Variants in ODF2 observed in about 807,000 individuals in gnomAD.
ODF2 encodes outer dense fiber of sperm tails 2.
Under a neutral mutation model 110.2 loss-of-function variants are expected in ODF2, and 47 were observed. The observed-to-expected ratio is 0.43, with a 90% CI of 0.34 to 0.54. The LOEUF (loss-of-function observed/expected upper bound fraction) is 0.54, where lower values mean the gene tolerates loss of function less well. ODF2 is among the 20% of genes least tolerant of loss of function. The pLI is 0.03. For synonymous variants in ODF2, 352 were observed against 397.7 expected (o/e 0.89, Z 1.37); for missense variants, 812 against 1,054.5 (o/e 0.77, Z 3.19).
chr9:128,470,627 GAAAA>G (rs966690662), intron 5 of ODF2, among the ~76,000 whole-genome samples: 50 of 127,864 alleles, frequency 3.9e-4, no homozygotes, highest in African/African-American at 1.3e-3. Flanking sequence ...TGTTTCAAAA[GAAAA>G]AAAAAAAAAG....
At chr9:128,475,380 A>C (rs1841040619) in intron 8 of ODF2, among the ~76,000 whole-genome samples, 1 of 152,120 alleles carries the variant, frequency 6.6e-6, no homozygotes, top group Non-Finnish European at 1.5e-5. Flanking sequence ...AATGATGTAC[A>C]ACATGTTTTG....
chr9:128,460,156 A>G lies in ODF2; in HGVS notation c.123+499A>G. On this transcript the variant is annotated intron_variant, in intron 3 of 20. Transcript: ENST00000604420. ...GTTTCCCACGCCAATCTGCATGCCC[A>G]GTTGAGATCACTGTGTAGAAGGATC... 2.3e-6 allele frequency: 3 copies of G among 1,297,596 alleles called. No individual in the cohort carries two copies. In the South Asian group the frequency reaches 3.7e-5, roughly 16 times the overall value. 80.4% of individuals were successfully genotyped at this position (1,297,596 alleles called of 1,614,324 possible). A position where few individuals can be genotyped will look rare whatever the true frequency, so the allele number is the denominator to read the frequency against.
intron 7 of ODF2, chr9:128,473,257 C>T (rs939762838): frequency 6.1e-6 from 6 of 984,224 alleles, no homozygotes; most frequent in Non-Finnish European, 7.2e-6. Flanking sequence ...GAGGAGACCT[C>T]ATCATGGGTC....
At position 128,484,270 on chromosome 9, in the gene ODF2, G is replaced by A. The variant is rs142773427; in HGVS notation, c.1104+216G>A. Among the ~76,000 whole-genome samples the A allele has an allele frequency of 7.9e-5, 12 of 152,296 alleles. 1 individual carries two copies. In the East Asian group the frequency reaches 1.9e-3, roughly 25 times the overall value. On this transcript the variant is annotated intron_variant, in intron 11 of 20. Coordinates refer to ENST00000604420, the Ensembl canonical transcript of ODF2. ...GTTGGGCATCCTTCCCAACAGTGAC[G>A]GGGTTGCGTGCCATGCCCCCCAGGC... is the stretch of plus-strand genomic sequence containing the variant.
At chr9:128,474,519 G>C (rs111587097) in intron 8 of ODF2, among the ~76,000 whole-genome samples, 3,666 of 151,998 alleles carry the variant, frequency 0.024, 151 homozygotes, top group African/African-American at 0.083. Flanking sequence ...TAGTCAGCCA[G>C]GTGTGGTGGC....
chr9:128,455,457 G>A (rs1834575501), upstream of ODF2: 1 of 298,838 alleles, frequency 3.3e-6, no homozygotes, highest in Non-Finnish European at 6.3e-6. Flanking sequence ...GGGAGGCTCA[G>A]GCAGGAGAAT....
At chr9:128,484,225 T>C (rs1161770955) in intron 11 of ODF2, among the ~76,000 whole-genome samples, 171 bp downstream of exon 11, 1 of 152,128 alleles carries the variant, frequency 6.6e-6, no homozygotes, top group African/African-American at 2.4e-5. Context: ...GCAAGAGCAA[T>C]GGACAGAGAC....
At chr9:128,483,023 G>A (rs1489516475) in intron 10 of ODF2, 136 bp downstream of exon 10, 8 of 671,992 alleles carry the variant, frequency 1.2e-5, no homozygotes, top group Admixed American at 5.6e-5. Context: ...AGCCTCCCGA[G>A]TAGCTGGGAC....
intron 2 of ODF2, chr9:128,457,551 G>T: frequency 7.5e-7 from 1 of 1,337,256 alleles, no homozygotes; most frequent in Non-Finnish European, 1.0e-6. Context: ...CTGAAAGTCT[G>T]GACCAAAACG....
chr9:128,472,871 G>T, intron 6 of ODF2, 42 bp from the exon 7 acceptor site: 1 of 1,610,608 alleles, frequency 6.2e-7, no homozygotes, highest in Non-Finnish European at 8.5e-7. Context: ...CTGGGCATGC[G>T]GGGGCCTGGG....
intron 10 of ODF2, 74 bp downstream of exon 10, chr9:128,482,961 T>G (rs1842700660): frequency 8.5e-7 from 1 of 1,181,276 alleles, no homozygotes; most frequent in African/African-American, 1.6e-5. Context: ...AATGGCGCGA[T>G]CTCAGCTCGC....
At chr9:128,491,126 C>A (rs1288189749) in intron 14 of ODF2, among the ~76,000 whole-genome samples, 1 of 151,890 alleles carries the variant, frequency 6.6e-6, no homozygotes, top group Non-Finnish European at 1.5e-5. Context: ...CTCGCTGCAA[C>A]CTCCACCTCC....
chr9:128,490,015 T>C (rs1844214875), intron 14 of ODF2, among the ~76,000 whole-genome samples: 1 of 152,150 alleles, frequency 6.6e-6, no homozygotes, highest in Non-Finnish European at 1.5e-5. Context: ...ATAGTGTAAT[T>C]GTCGGATAAG....
intron 4 of ODF2, among the ~76,000 whole-genome samples, chr9:128,462,508 G>A (rs1474529205): frequency 6.6e-6 from 1 of 152,130 alleles, no homozygotes; most frequent in Non-Finnish European, 1.5e-5. Flanking sequence ...TCTGGAGTCA[G>A]TTTGGCAGGA....
chr9:128,456,873 C>T (rs1440573142), intron 1 of ODF2: 2 of 1,313,590 alleles, frequency 1.5e-6, no homozygotes, highest in Non-Finnish European at 1.9e-6. Context: ...CGCCTCCCTC[C>T]TTTAAACACT....
intron 5 of ODF2, among the ~76,000 whole-genome samples, chr9:128,470,058 T>TATATATA (rs1839581366): frequency 1.6e-5 from 1 of 64,156 alleles, no homozygotes; most frequent in Non-Finnish European, 3.0e-5. Context: ...AATAAAAAAA[T>TATATATA]TAACAAAAAC....
intron 4 of ODF2, among the ~76,000 whole-genome samples, chr9:128,467,326 T>C (rs769911476): frequency 2.6e-5 from 4 of 151,746 alleles, no homozygotes; most frequent in Non-Finnish European, 5.9e-5. Flanking sequence ...AAAAATACGG[T>C]GTTTTGGGAC....
chr9:128,495,050 CTT>C (rs888253250), intron 17 of ODF2, among the ~76,000 whole-genome samples: 24 of 152,338 alleles, frequency 1.6e-4, no homozygotes, highest in African/African-American at 5.8e-4. Context: ...TCTCCTGACT[CTT>C]TAACAGATGC....
At chr9:128,470,513 C>CT (rs1482004167) in intron 5 of ODF2, among the ~76,000 whole-genome samples, 3 of 151,850 alleles carry the variant, frequency 2.0e-5, no homozygotes, top group Non-Finnish European at 4.4e-5. Context: ...ATCCCGGCTA[C>CT]TTGGGAGGCT....
Sources: gnomAD v4.1 joint callset for allele counts (sites outside exome capture counted in the v4.1 genomes callset) on GRCh38, gnomAD v4.1.1 for gene constraint, MANE v1.5 for transcripts, NCBI Gene and HGNC (gene_info 2026-07-23, HGNC 2026-07-21) for gene names.